Variants in VPS13D observed in about 807,000 individuals in gnomAD.
The protein encoded by VPS13D is intermembrane lipid transfer protein VPS13D.
Under a neutral mutation model 461.9 loss-of-function variants are expected in VPS13D, and 187 were observed. The observed-to-expected ratio is 0.40, with a 90% CI of 0.36 to 0.46. The LOEUF is 0.46. Among genes scored for constraint, VPS13D ranks in the 20% least tolerant of loss-of-function variants. The probability of loss-of-function intolerance (pLI) is 0.60; values close to 1 mark genes in which losing one functional copy is unlikely to be tolerated. For synonymous variants in VPS13D, 1,951 were observed against 1,986.3 expected (o/e 0.98, Z 0.47); for missense variants, 4,711 against 5,364.9 (o/e 0.88, Z 3.81).
Position 12,399,917 on chromosome 1 carries a change from G to T in VPS13D, c.11635-264G>T, listed in dbSNP as rs574963676. Among the ~76,000 whole-genome samples, 236 of 152,212 alleles carry T rather than the reference G, an allele frequency of 1.6e-3. 1 individual carries two copies. Among genetic ancestry groups the T allele is most frequent in the Non-Finnish European group, 2.4e-3 (163 of 68,012 alleles). ...GCTAAATTGAGCTAATATATGTATT[G>T]CCTCACATACTTATTTTTTTGAGGT... is the stretch of plus-strand genomic sequence containing the variant. On this transcript the variant is annotated intron_variant, in intron 60 of 69. Coordinates refer to ENST00000620676, the MANE Select transcript of VPS13D (RefSeq NM_015378.4).
At chr1:12,363,627 A>G (rs1273076745) in intron 52 of VPS13D, among the ~76,000 whole-genome samples, 1 of 152,138 alleles carries the variant, frequency 6.6e-6, no homozygotes, top group Non-Finnish European at 1.5e-5. Flanking sequence ...CTGGCTTTCT[A>G]CACCTAATGT....
rs374859332 is a variant in VPS13D, at chr1:12,279,434, T to C, written c.4451-65T>C. ...GGGCTGTATTTTGTATATTCTACGT[T>C]TAATCAGCAGTAATGAAGTAAATAT... On this transcript the variant is annotated intron_variant, in intron 19 of 69. Transcript: ENST00000620676. The surrounding 1 kb of genome is among the most constrained non-coding windows in gnomAD (Gnocchi z 4.3). 2.0e-6 allele frequency: 3 copies of C among 1,484,266 alleles called. No homozygotes were observed. The East Asian group carries it at 6.9e-5, about 34-fold the overall frequency. The allele number at this position is 1,484,266 out of a possible 1,614,324, so 91.9% of individuals were successfully genotyped here.
Position 12,327,833 on chromosome 1 carries a change from C to G in VPS13D, c.8176C>G (p.Leu2726Val). 6.2e-7 allele frequency: 1 copy of G among 1,613,998 alleles called. No homozygotes were observed. The highest frequency in any genetic ancestry group is 8.5e-7 in the Non-Finnish European group (1 of 1,180,002). The change falls in exon 36 of 70, where the codon CTC becomes GTC. Residue 2726 changes from leucine to valine, a missense_variant. Around this residue, in one of 3 missense-constraint regions of VPS13D, gnomAD observed 4,411 missense variants for 4,937.8 expected, o/e 0.89. Transcript: ENST00000620676. Reference sequence around the variant, plus strand: ...TGACTGCATGGATTGTGATGTTCCTCTCGCTGAACTCACCTTTTCCCGTGA... The same window carrying G: ...TGACTGCATGGATTGTGATGTTCCTGTCGCTGAACTCACCTTTTCCCGTGA... ...IDDCMDCDVPLAELTFSRLNF... is the reference protein window; with the variant it reads ...IDDCMDCDVPVAELTFSRLNF...
intron 18 of VPS13D, among the ~76,000 whole-genome samples, chr1:12,275,598 G>A (rs1165339117): frequency 6.6e-6 from 1 of 152,150 alleles, no homozygotes; most frequent in Non-Finnish European, 1.5e-5. Flanking sequence ...GGGGCCTCCA[G>A]CTTTTTTCGT....
intron 67 of VPS13D, among the ~76,000 whole-genome samples, chr1:12,489,847 A>G (rs555817782): frequency 1.3e-5 from 2 of 152,262 alleles, no homozygotes; most frequent in East Asian, 3.9e-4. Flanking sequence ...AGATGAGAAA[A>G]CCATCGCTCC....
intron 8 of VPS13D, 73 bp downstream of exon 8, chr1:12,256,576 G>T (rs547254439): frequency 3.2e-5 from 49 of 1,526,042 alleles, no homozygotes; most frequent in Non-Finnish European, 4.2e-5. Context: ...TGATATTAAC[G>T]TATCCTCAGC....
At chr1:12,475,942 A>G (rs936205129) in intron 67 of VPS13D, among the ~76,000 whole-genome samples, 3 of 152,238 alleles carry the variant, frequency 2.0e-5, no homozygotes, top group African/African-American at 7.2e-5. Context: ...ATTTTGTACA[A>G]GAATGGTGTG....
chr1:12,496,900 CA>C (rs1645965820), intron 67 of VPS13D, among the ~76,000 whole-genome samples: 1 of 152,002 alleles, frequency 6.6e-6, no homozygotes, highest in African/African-American at 2.4e-5. Flanking sequence ...GGTCCAGGTC[CA>C]GGGGGCATTC....
chr1:12,287,555 G>C (rs1198781298), intron 21 of VPS13D, among the ~76,000 whole-genome samples: 1 of 152,088 alleles, frequency 6.6e-6, no homozygotes, highest in African/African-American at 2.4e-5. Flanking sequence ...TCAGTGTTTT[G>C]TCCCCTGTGA....
At chr1:12,289,867 T>G (rs1642076204) in intron 22 of VPS13D, among the ~76,000 whole-genome samples, 1 of 151,992 alleles carries the variant, frequency 6.6e-6, no homozygotes, top group Non-Finnish European at 1.5e-5. Flanking sequence ...GCCTGGAAGG[T>G]CAAGGCTGCA....
intron 60 of VPS13D, among the ~76,000 whole-genome samples, chr1:12,390,282 C>T (rs529231057): frequency 7.2e-5 from 11 of 152,264 alleles, no homozygotes; most frequent in African/African-American, 2.6e-4. Flanking sequence ...GATGCTGATT[C>T]AGAGCATACA....
In VPS13D at chr1:12,258,173, A is replaced by C. The variant is rs961786423; in HGVS notation, c.1110+70A>C. The C allele has an allele frequency of 6.4e-6, 10 of 1,570,230 alleles. No homozygotes were observed. The African/African-American group carries it at 1.2e-4, about 19-fold the overall frequency. ...AAGAATGTTCTCTCAAAGACTAAAG[A>C]AAATGGGATCTGTGAAGTAATAAAG... is the stretch of plus-strand genomic sequence containing the variant. On this transcript the variant is annotated intron_variant, in intron 10 of 69. Coordinates refer to ENST00000620676, the MANE Select transcript of VPS13D (RefSeq NM_015378.4).
At chr1:12,366,157 C>G (rs1250947457) in intron 52 of VPS13D, among the ~76,000 whole-genome samples, 1 of 152,166 alleles carries the variant, frequency 6.6e-6, no homozygotes, top group East Asian at 1.9e-4. Context: ...GATCCTCCTG[C>G]CCTGGCCTCC....
At chr1:12,300,916 T>G (rs1262183438) in intron 25 of VPS13D, among the ~76,000 whole-genome samples, 1 of 152,206 alleles carries the variant, frequency 6.6e-6, no homozygotes, top group East Asian at 1.9e-4. Context: ...TCTATTTGCT[T>G]ATTCCTTGCA....
chr1:12,475,035 G>T (rs1438158761), intron 67 of VPS13D, among the ~76,000 whole-genome samples: 1 of 152,032 alleles, frequency 6.6e-6, no homozygotes, highest in Admixed American at 6.5e-5. Context: ...GAGTAGCATG[G>T]AGCCTCGTCC....
chr1:12,440,130 C>G (rs532780857), intron 65 of VPS13D, among the ~76,000 whole-genome samples: 5 of 152,338 alleles, frequency 3.3e-5, no homozygotes, highest in African/African-American at 9.6e-5. Flanking sequence ...ACAAGTGATG[C>G]CTGGGCTCCT....
At chr1:12,293,447 A>G (rs765172043) in intron 23 of VPS13D, 77 bp from the exon 24 acceptor site, 256 of 1,435,198 alleles carry the variant, frequency 1.8e-4, no homozygotes, top group Non-Finnish European at 2.3e-4. Flanking sequence ...GGAAGCCCCT[A>G]AACCAACCTG....
At chr1:12,253,527 T>G (rs970525825) in intron 6 of VPS13D, among the ~76,000 whole-genome samples, 195 bp from the exon 7 acceptor site, 1 of 152,232 alleles carries the variant, frequency 6.6e-6, no homozygotes, top group Non-Finnish European at 1.5e-5. Context: ...TAAAATTATG[T>G]ATTTGCCTGT....
At chr1:12,338,080 G>T (rs1643488222) in intron 39 of VPS13D, 151 bp from the exon 40 acceptor site, 3 of 651,420 alleles carry the variant, frequency 4.6e-6, no homozygotes, top group Non-Finnish European at 8.2e-6. Flanking sequence ...CATTCGTAGT[G>T]CTTAGTAATC....
Sources: allele counts gnomAD v4.1 joint callset (sites outside exome capture counted in the v4.1 genomes callset), GRCh38; gene constraint gnomAD v4.1.1; regional missense constraint gnomAD v4.1.1; non-coding constraint Gnocchi (gnomAD v3.1); transcripts MANE v1.5; gene names NCBI Gene and HGNC (gene_info 2026-07-23, HGNC 2026-07-21).